The following TMCC3 variants were observed in gnomAD, a reference collection of about 807,000 sequenced individuals.
TMCC3 encodes transmembrane and coiled-coil domain protein 3.
A neutral mutation model predicts 40.2 loss-of-function variants in TMCC3; 28 were observed. The ratio of observed to expected loss-of-function variants is 0.70; its 90% CI spans 0.52 to 0.95. The LOEUF is 0.95. TMCC3 is among the 40% of genes least tolerant of loss of function. The pLI, the probability that TMCC3 is intolerant of heterozygous loss-of-function variation, is 0.00. For synonymous variants in TMCC3, 255 were observed against 248.5 expected (o/e 1.03, Z -0.25); for missense variants, 554 against 615.2 (o/e 0.90, Z 1.05).
intron 1 of TMCC3, among the ~76,000 whole-genome samples, chr12:94,608,780 C>T (rs543874668): frequency 1.3e-5 from 2 of 152,312 alleles, no homozygotes; most frequent in East Asian, 3.9e-4. Context: ...TCACTTCACC[C>T]TTTATTCAGG....
At chr12:94,610,021 C>T (rs1194389613) in intron 1 of TMCC3, 2 of 152,222 alleles carry the variant, frequency 1.3e-5, no homozygotes, top group Non-Finnish European at 1.5e-5. Flanking sequence ...TCGGCCTCCA[C>T]TCCAGGAACA....
chr12:94,603,778 C>CA (rs1326732358), intron 1 of TMCC3, among the ~76,000 whole-genome samples: 1 of 151,994 alleles, frequency 6.6e-6, no homozygotes, highest in Non-Finnish European at 1.5e-5. Context: ...AGTGAAACCT[C>CA]AAAAAAGTAA....
chr12:94,635,940 A>T (rs2068958696), intron 1 of TMCC3, among the ~76,000 whole-genome samples: 1 of 152,128 alleles, frequency 6.6e-6, no homozygotes, highest in South Asian at 2.1e-4. Context: ...AAGTGCTGGG[A>T]TTACATGCAT....
Position 94,603,178 on chromosome 12 carries a change from A to G in TMCC3, c.79-20640T>C, listed in dbSNP as rs2068762790. Among the ~76,000 whole-genome samples the G allele has an allele frequency of 2.0e-5, 3 of 152,194 alleles. No homozygotes were observed. In the South Asian group the frequency reaches 6.2e-4, roughly 32 times the overall value. ...CGGTTCACCGCAACCTCTGCCTCCC[A>G]GGCTCAAACAATTCTCATGCCTCAG... On this transcript the variant is annotated intron_variant, in intron 1 of 3. Transcript: ENST00000261226.
At chr12:94,592,921 G>A (rs2068687631) in intron 1 of TMCC3, among the ~76,000 whole-genome samples, 3 of 152,050 alleles carry the variant, frequency 2.0e-5, no homozygotes, top group Admixed American at 2.0e-4. Context: ...CTTCGGCCAG[G>A]CGCGGTGGCT....
At chr12:94,630,743 T>TTTG (rs2068928810) in intron 1 of TMCC3, among the ~76,000 whole-genome samples, 1 of 152,178 alleles carries the variant, frequency 6.6e-6, no homozygotes, top group African/African-American at 2.4e-5. Context: ...TTTGTTTTGT[T>TTTG]TTTGAGGCAA....
intron 1 of TMCC3, among the ~76,000 whole-genome samples, chr12:94,617,532 A>C (rs2068854314): frequency 6.6e-6 from 1 of 152,186 alleles, no homozygotes; most frequent in Non-Finnish European, 1.5e-5. Context: ...TTGTATTATA[A>C]TTGAGTACTT....
At chr12:94,597,124 C>CAT (rs869220054) in intron 1 of TMCC3, among the ~76,000 whole-genome samples, 716 of 29,700 alleles carry the variant, frequency 0.024, 9 homozygotes, top group Middle Eastern at 0.067. Context: ...TATTAAAATA[C>CAT]ATATATATAT....
At chr12:94,580,341 A>G (rs2068592627) in intron 2 of TMCC3, among the ~76,000 whole-genome samples, 4 of 152,204 alleles carry the variant, frequency 2.6e-5, no homozygotes, top group African/African-American at 9.6e-5. Flanking sequence ...TATAAGCCAA[A>G]GGTTTTGAAT....
At chr12:94,590,072 C>A (rs2068663317) in intron 1 of TMCC3, among the ~76,000 whole-genome samples, 1 of 150,944 alleles carries the variant, frequency 6.6e-6, no homozygotes. Context: ...GGAGCCACAT[C>A]AGTCAGGTCT....
At chr12:94,592,661 C>CAAAAAAAAAAAGAAAAAAAAAAAAAA (rs2068684950) in intron 1 of TMCC3, among the ~76,000 whole-genome samples, 1 of 27,496 alleles carries the variant, frequency 3.6e-5, no homozygotes, top group Non-Finnish European at 6.8e-5. Context: ...GGCTCCATCT[C>CAAAAAAAAAAAGAAAAAAAAAAAAAA]AAAAAAAAAA....
rs140865895 is a variant in TMCC3, at chr12:94,597,588, T to A, written c.79-15050A>T. 2.2e-3 allele frequency among the ~76,000 whole-genome samples: 330 copies of A among 152,076 alleles called. 3 individuals are homozygous for A. The highest frequency in any genetic ancestry group is 7.8e-3 in the African/African-American group (324 of 41,448). On this transcript the variant is annotated intron_variant, in intron 1 of 3. Transcript: ENST00000261226. ...GGGAGGCTGAGGCAGGTGGATCACCTGAGGTCAGGAGTTCGAGACCAGCCT... is the reference window on the plus strand; with the variant it reads ...GGGAGGCTGAGGCAGGTGGATCACCAGAGGTCAGGAGTTCGAGACCAGCCT...
At chr12:94,606,912 G>T (rs1052564952) in intron 1 of TMCC3, among the ~76,000 whole-genome samples, 5 of 152,290 alleles carry the variant, frequency 3.3e-5, no homozygotes, top group Admixed American at 1.3e-4. Context: ...AAACAGGTGA[G>T]AGCAGAGAAT....
intron 1 of TMCC3, among the ~76,000 whole-genome samples, chr12:94,634,640 C>A (rs983202860): frequency 5.3e-5 from 8 of 152,178 alleles, no homozygotes; most frequent in African/African-American, 1.7e-4. Flanking sequence ...CCTACCCAAA[C>A]AATAAAAGCA....
At chr12:94,622,308 T>C (rs1185647239) in intron 1 of TMCC3, among the ~76,000 whole-genome samples, 2 of 152,146 alleles carry the variant, frequency 1.3e-5, no homozygotes, top group African/African-American at 2.4e-5. Context: ...CGAGATATAA[T>C]TGCCTCTAAT....
chr12:94,613,089 CACAATAAAATGGAT>C (rs1208635467), intron 1 of TMCC3, among the ~76,000 whole-genome samples: 1 of 149,924 alleles, frequency 6.7e-6, no homozygotes, highest in Non-Finnish European at 1.5e-5. Flanking sequence ...TATATATACA[CACAATAAAATGGAT>C]ACACACACAC....
chr12:94,628,129 C>T (rs902528794), intron 1 of TMCC3, among the ~76,000 whole-genome samples: 4 of 152,130 alleles, frequency 2.6e-5, no homozygotes, highest in Non-Finnish European at 5.9e-5. Flanking sequence ...AAAAGGAGCC[C>T]GTTCTTAAAT....
intron 1 of TMCC3, among the ~76,000 whole-genome samples, chr12:94,611,259 G>C (rs570136586): frequency 1.3e-5 from 2 of 152,236 alleles, no homozygotes; most frequent in Non-Finnish European, 2.9e-5. Context: ...TTAAAAGGTA[G>C]TTCTAAAACA....
chr12:94,630,174 G>A (rs952966599), intron 1 of TMCC3, among the ~76,000 whole-genome samples: 3 of 151,740 alleles, frequency 2.0e-5, no homozygotes, highest in Non-Finnish European at 4.4e-5. Flanking sequence ...GCTGAGACAT[G>A]AACCCAGGAG....
Sources: allele counts gnomAD v4.1 joint callset (sites outside exome capture counted in the v4.1 genomes callset), GRCh38; gene constraint gnomAD v4.1.1; transcripts MANE v1.5; gene names NCBI Gene and HGNC (gene_info 2026-07-23, HGNC 2026-07-21).